ZNF423: variants seen among roughly 807,000 people sequenced by gnomAD.
ZNF423 encodes the protein zinc finger protein 423, also known as Ebf-associated zinc finger protein.
ZNF423 carries 12 observed loss-of-function variants against 95.8 expected under a neutral mutation model. The observed-to-expected ratio is 0.13, with a 90% confidence interval of 0.08 to 0.20. ZNF423 has a LOEUF of 0.20. Ranked by LOEUF, ZNF423 falls within the 10% of genes least tolerant of loss-of-function variation. The pLI is 1.00. For missense variants in ZNF423, 1,316 were observed against 1,737.1 expected, an observed-to-expected ratio of 0.76 and a Z score of 4.31; for synonymous variants, 749 against 711.9, an observed-to-expected ratio of 1.05 and a Z score of -0.83.
At chr16:49,727,833 C>T (rs967117822) in intron 3 of ZNF423, among the ~76,000 whole-genome samples, 3 of 152,220 alleles carry the variant, frequency 2.0e-5, no homozygotes, top group Non-Finnish European at 2.9e-5. Flanking sequence ...CTGCGCCCAG[C>T]GCGGCCCTCT....
chr16:49,646,206 C>T (rs1400415901), intron 3 of ZNF423, among the ~76,000 whole-genome samples: 1 of 152,186 alleles, frequency 6.6e-6, no homozygotes, highest in Non-Finnish European at 1.5e-5. Flanking sequence ...AGCTGCAAGA[C>T]CTGAATATGC....
At chr16:49,759,236 A>G (rs1198910259) in intron 2 of ZNF423, among the ~76,000 whole-genome samples, 2 of 152,064 alleles carry the variant, frequency 1.3e-5, no homozygotes, top group Non-Finnish European at 2.9e-5. Flanking sequence ...CATCTCTACT[A>G]AAAATACAAA....
chr16:49,611,519 T>C lies in ZNF423; in HGVS notation c.3601+14651A>G, dbSNP rs189138891. ...AAGTAAAGGCTAAGAGGGAAATGTA[T>C]AGCAATAAATGCTTAATAAAGAGAA... On this transcript the variant is annotated intron_variant, in intron 5 of 7. Transcript: ENST00000563137. 4.6e-5 allele frequency among the ~76,000 whole-genome samples: 7 copies of C among 152,138 alleles called. No homozygotes were observed. The East Asian group carries it at 1.3e-3, about 29-fold the overall frequency.
chr16:49,519,336 G>A (rs1053016287), intron 7 of ZNF423, among the ~76,000 whole-genome samples: 2 of 152,138 alleles, frequency 1.3e-5, no homozygotes, highest in Non-Finnish European at 2.9e-5. Flanking sequence ...GTAAATGAAC[G>A]TTTAACTTTA....
chr16:49,712,963 T>C (rs910384216), intron 3 of ZNF423, among the ~76,000 whole-genome samples: 4 of 152,046 alleles, frequency 2.6e-5, no homozygotes, highest in African/African-American at 9.7e-5. Flanking sequence ...AAGCAGAAAA[T>C]GGATTTAATC....
intron 1 of ZNF423, among the ~76,000 whole-genome samples, chr16:49,831,230 C>T (rs1429395111): frequency 6.6e-6 from 1 of 152,108 alleles, no homozygotes; most frequent in Non-Finnish European, 1.5e-5. Context: ...GTTAAAGAAA[C>T]CTCAAAGCGC....
chr16:49,759,402 A>T (rs545338647), intron 2 of ZNF423, among the ~76,000 whole-genome samples: 5 of 150,164 alleles, frequency 3.3e-5, no homozygotes, highest in Admixed American at 2.7e-4. Flanking sequence ...CCACCTCAGA[A>T]AAAAAAAAAA....
chr16:49,853,550 A>G (rs1169789152), intron 1 of ZNF423: 1 of 807,216 alleles, frequency 1.2e-6, no homozygotes, highest in African/African-American at 1.9e-5. Flanking sequence ...TGTGTGGCTG[A>G]TATTTACAAC....
At chr16:49,759,856 G>C (rs1381817732) in intron 2 of ZNF423, among the ~76,000 whole-genome samples, 2 of 152,134 alleles carry the variant, frequency 1.3e-5, no homozygotes, top group Non-Finnish European at 2.9e-5. Flanking sequence ...GGTCCCTGCT[G>C]CACCTGCCCT....
Position 49,647,789 on chromosome 16 carries a change from T to C in ZNF423, c.302-8915A>G, listed in dbSNP as rs1461301837. 3.3e-5 allele frequency among the ~76,000 whole-genome samples: 5 copies of C among 152,332 alleles called. 1 individual carries two copies. In the South Asian group the frequency reaches 8.3e-4, roughly 25 times the overall value. ...ACTTCTGACCTACAGAACTCTAAGATACTATTTTTTGTTTGTTGTTTTAAG... is the reference window on the plus strand; with the variant it reads ...ACTTCTGACCTACAGAACTCTAAGACACTATTTTTTGTTTGTTGTTTTAAG... On this transcript the variant is annotated intron_variant, in intron 3 of 7. Coordinates refer to ENST00000563137, the MANE Select transcript of ZNF423 (RefSeq NM_001379286.1).
intron 3 of ZNF423, among the ~76,000 whole-genome samples, chr16:49,649,313 T>A (rs2541703): frequency 0.73 from 110,829 of 151,884 alleles, 41,042 homozygotes; most frequent in South Asian, 0.85. Context: ...CATTTCCCCA[T>A]CTCTTGATAG....
intron 3 of ZNF423, among the ~76,000 whole-genome samples, chr16:49,655,625 C>T (rs1049300376): frequency 3.9e-5 from 6 of 152,150 alleles, no homozygotes; most frequent in East Asian, 3.9e-4. Context: ...GGGGGATGGG[C>T]GCACCACCTT....
intron 3 of ZNF423, chr16:49,711,872 G>T (rs1204055214): frequency 6.6e-6 from 1 of 152,228 alleles, no homozygotes; most frequent in Non-Finnish European, 1.5e-5. Flanking sequence ...ACTTTGGGAG[G>T]CTGAGGCAGG....
intron 6 of ZNF423, among the ~76,000 whole-genome samples, chr16:49,524,504 G>A (rs1180415368): frequency 1.3e-5 from 2 of 152,110 alleles, no homozygotes; most frequent in East Asian, 3.9e-4. Context: ...CAGGGGCTCT[G>A]GGGAGCCCCA....
chr16:49,506,363 A>C (rs916782134), intron 7 of ZNF423, among the ~76,000 whole-genome samples: 2 of 151,786 alleles, frequency 1.3e-5, no homozygotes, highest in Non-Finnish European at 2.9e-5. Flanking sequence ...ATGGAGGAAT[A>C]GGTAGGTGGA....
intron 3 of ZNF423, among the ~76,000 whole-genome samples, chr16:49,642,675 C>G (rs1973013551): frequency 6.6e-6 from 1 of 152,180 alleles, no homozygotes; most frequent in South Asian, 2.1e-4. Context: ...CATCCCACCC[C>G]CTCCAAATGC....
intron 2 of ZNF423, among the ~76,000 whole-genome samples, chr16:49,786,214 A>G (rs1339493147): frequency 1.3e-5 from 2 of 152,214 alleles, no homozygotes; most frequent in Non-Finnish European, 2.9e-5. Context: ...AGGCAAGGCC[A>G]GGCTCTCCAT....
At chr16:49,848,885 A>AC (rs2144118592) in intron 1 of ZNF423, among the ~76,000 whole-genome samples, 1 of 152,310 alleles carries the variant, frequency 6.6e-6, no homozygotes, top group Admixed American at 6.5e-5. Flanking sequence ...GGATGCTCCA[A>AC]CAACCCGCAG....
chr16:49,596,560 G>A (rs1971184441), intron 5 of ZNF423, among the ~76,000 whole-genome samples: 1 of 152,172 alleles, frequency 6.6e-6, no homozygotes. Context: ...GAGAGCAGGC[G>A]ATTTTTCTAG....
Sources: allele counts gnomAD v4.1 joint callset (sites outside exome capture counted in the v4.1 genomes callset), GRCh38; gene constraint gnomAD v4.1.1; transcripts MANE v1.5; gene names NCBI Gene and HGNC (gene_info 2026-07-23, HGNC 2026-07-21).